The following DAAM2 variants were observed in gnomAD, a reference collection of about 807,000 sequenced individuals.
The protein encoded by DAAM2 is dishevelled associated activator of morphogenesis 2.
In DAAM2, 39 loss-of-function variants were observed where a neutral mutation model predicts 120.7. The observed-to-expected ratio is 0.32, with a 90% CI of 0.25 to 0.42. DAAM2 has a LOEUF of 0.42. Ranked by LOEUF, DAAM2 falls within the 10% of genes least tolerant of loss-of-function variation. The pLI is 1.00. For synonymous variants in DAAM2, 488 were observed against 524.9 expected (o/e 0.93, Z 0.96); for missense variants, 1,283 against 1,401.7 (o/e 0.92, Z 1.35).
Position 39,878,758 on chromosome 6 carries a change from T to A in DAAM2, c.1545+170T>A, listed in dbSNP as rs978234601. Among the ~76,000 whole-genome samples, 3 of 152,104 alleles carry A rather than the reference T, an allele frequency of 2.0e-5. No homozygotes were observed. The highest frequency in any genetic ancestry group is 7.2e-5 in the African/African-American group (3 of 41,406). On this transcript the variant is annotated intron_variant, in intron 13 of 24. Transcript: ENST00000274867. This position sits in a 1 kb window ranked among gnomAD's most constrained non-coding sequence, Gnocchi z 5.0. ...CTTGAGGCTGTACAGGTGGCATCTT[T>A]GTGTTAGAAAAATAATGTCCCTTCC...
chr6:39,874,048 A>G (rs961528399), intron 10 of DAAM2, among the ~76,000 whole-genome samples: 1 of 152,240 alleles, frequency 6.6e-6, no homozygotes, highest in Non-Finnish European at 1.5e-5. Flanking sequence ...GTCAGCAATC[A>G]TAGTGACAGT....
chr6:39,843,280 A>G (rs527944580), intron 1 of DAAM2, among the ~76,000 whole-genome samples: 65 of 152,216 alleles, frequency 4.3e-4, no homozygotes, highest in African/African-American at 1.5e-3. Context: ...GTGGGACAAC[A>G]TGGTCGGAAA....
At chr6:39,884,720 C>T (rs948056453) in intron 15 of DAAM2, 2 of 153,008 alleles carry the variant, frequency 1.3e-5, no homozygotes, top group African/African-American at 2.4e-5. Flanking sequence ...GTCTGGTCTT[C>T]CAGTCACAGA....
At chr6:39,880,412 C>T (rs898010922) in intron 14 of DAAM2, among the ~76,000 whole-genome samples, 7 of 152,136 alleles carry the variant, frequency 4.6e-5, no homozygotes, top group African/African-American at 1.7e-4. Flanking sequence ...CAGGGGTCTT[C>T]TCCTAATGGT....
chr6:39,842,311 GA>G (rs1562019513), intron 1 of DAAM2, among the ~76,000 whole-genome samples: 1 of 152,186 alleles, frequency 6.6e-6, no homozygotes, highest in Non-Finnish European at 1.5e-5. Flanking sequence ...TCAGAGTCTA[GA>G]TGGGGGAGAA....
chr6:39,878,349 C>T lies in DAAM2; in HGVS notation c.1361-55C>T. On this transcript the variant is annotated intron_variant, in intron 12 of 24. Coordinates refer to ENST00000274867, the MANE Select transcript of DAAM2 (RefSeq NM_001201427.2). The surrounding 1 kb of genome is among the most constrained non-coding windows in gnomAD (Gnocchi z 5.0). ...CTCCATGCCCTTCCAGGCAGGGAGT[C>T]ACATTACTCACATTCTCTCCTTCTG... 1 of 1,608,166 alleles carries T rather than the reference C, an allele frequency of 6.2e-7. No homozygotes were observed. Among genetic ancestry groups the T allele is most frequent in the Non-Finnish European group, 8.5e-7 (1 of 1,176,210 alleles).
intron 15 of DAAM2, chr6:39,885,074 A>G (rs3003935): frequency 0.56 from 85,366 of 152,166 alleles, 24,392 homozygotes; most frequent in East Asian, 0.78. Context: ...CCTGGGTGCC[A>G]ATGAGTGGGT....
intron 1 of DAAM2, among the ~76,000 whole-genome samples, chr6:39,795,479 T>G (rs547461744): frequency 6.6e-6 from 1 of 152,340 alleles, no homozygotes; most frequent in East Asian, 1.9e-4. Context: ...CCTTCTGAGC[T>G]TCAGCTTCCT....
Position 39,901,385 on chromosome 6 carries a change from G to A in DAAM2, c.2895G>A (p.Leu965=). ...DEFFGIFDTF[L]QAFSEARQDL... is the part of the protein sequence containing the mutation. ...TCTTTGGCATCTTTGATACCTTCTTGCAGGCCTTCTCAGAGGCCCGGCAGG... is the reference window on the plus strand; with the variant it reads ...TCTTTGGCATCTTTGATACCTTCTTACAGGCCTTCTCAGAGGCCCGGCAGG... The change falls in exon 24 of 25, where the codon TTG becomes TTA. Residue 965 remains leucine (L), a synonymous_variant. Transcript: ENST00000274867. This position sits in a 1 kb window ranked among gnomAD's most constrained non-coding sequence, Gnocchi z 4.5. The A allele has an allele frequency of 6.2e-7, 1 of 1,613,928 alleles. No individual in the cohort carries two copies. Among genetic ancestry groups the A allele is most frequent in the East Asian group, 2.2e-5 (1 of 44,878 alleles).
At chr6:39,834,831 C>G (rs1039680037) in intron 1 of DAAM2, among the ~76,000 whole-genome samples, 1 of 152,068 alleles carries the variant, frequency 6.6e-6, no homozygotes, top group Non-Finnish European at 1.5e-5. Flanking sequence ...GGAGCAAAAT[C>G]AATGAGAGGT....
chr6:39,875,340 C>T lies in DAAM2; in HGVS notation c.1173C>T (p.Asn391=), dbSNP rs761584483. ...HHCLQMPYKR[N]GGYFQQWQLL... ...CCTGTCATCCCTCAGACAAACGGAACGGTGGCTACTTCCAGCAGTGGCAGC... is the reference window on the plus strand; with the variant it reads ...CCTGTCATCCCTCAGACAAACGGAATGGTGGCTACTTCCAGCAGTGGCAGC... Residue 391 remains asparagine (N), a synonymous_variant, in exon 11 of 25, where the codon AAC becomes AAT. Coordinates refer to ENST00000274867, the MANE Select transcript of DAAM2 (RefSeq NM_001201427.2). 30 of 1,613,634 alleles carry T rather than the reference C, an allele frequency of 1.9e-5. No homozygotes were observed. Among genetic ancestry groups the T allele is most frequent in the South Asian group, 2.2e-5 (2 of 91,022 alleles).
rs537740936 is a variant in DAAM2, at chr6:39,899,748, C to G, written c.2680-329C>G. 1.1e-4 allele frequency: 23 copies of G among 213,852 alleles called. No individual in the cohort carries two copies. In the South Asian group the frequency reaches 1.9e-3, roughly 18 times the overall value. 13.2% of individuals were successfully genotyped at this position (213,852 alleles called of 1,614,324 possible). ...GTCTCTTTAATTTGTGCATGAGTCA[C>G]CTGGAGTCTTGTAAAGATGAGTCTT... On this transcript the variant is annotated intron_variant, in intron 22 of 24. Transcript: ENST00000274867.
chr6:39,803,259 A>C lies in DAAM2; in HGVS notation c.-57+10794A>C, dbSNP rs1280214583. On this transcript the variant is annotated intron_variant, in intron 1 of 24. Transcript: ENST00000274867. ...TGTTCAGCTTTAGGAGGTATGGCCA[A>C]AGTTTTATAAATGAGTTGTGCCATG... Among the ~76,000 whole-genome samples the C allele has an allele frequency of 3.9e-5, 6 of 152,176 alleles. No homozygotes were observed. In the East Asian group the frequency reaches 5.8e-4, roughly 15 times the overall value.
chr6:39,902,153 G>C lies in DAAM2; in HGVS notation c.*116G>C. On this transcript the variant is annotated 3_prime_UTR_variant, in exon 25 of 25. Coordinates refer to ENST00000274867, the MANE Select transcript of DAAM2 (RefSeq NM_001201427.2). ...TGCTTGGTTTAGAGCCTTGGGCTGG[G>C]TCCTGGGATGGGGGGCTGTGTGTGG... 2.3e-6 allele frequency: 2 copies of C among 879,304 alleles called. No individual in the cohort carries two copies. The highest frequency in any genetic ancestry group is 3.3e-6 in the Non-Finnish European group (2 of 597,286). 54.5% of individuals were successfully genotyped at this position (879,304 alleles called of 1,614,324 possible).
intron 1 of DAAM2, among the ~76,000 whole-genome samples, chr6:39,825,463 T>C (rs1206156856): frequency 2.0e-5 from 3 of 150,240 alleles, no homozygotes; most frequent in East Asian, 3.9e-4. Context: ...GGCCTTTGTT[T>C]CTTGAAGGAA....
At chr6:39,885,073 C>T (rs570731468) in intron 15 of DAAM2, 210 of 152,496 alleles carry the variant, frequency 1.4e-3, no homozygotes, top group African/African-American at 4.8e-3. Context: ...CCCTGGGTGC[C>T]AATGAGTGGG....
At chr6:39,884,892 A>C (rs1473168285) in intron 15 of DAAM2, 1 of 152,294 alleles carries the variant, frequency 6.6e-6, no homozygotes, top group East Asian at 1.9e-4. Flanking sequence ...CCGCCTGGTA[A>C]CTAGCAGCTA....
rs1003753194 is a variant in DAAM2 at position 39,871,414 on chromosome 6, A to G, written c.978-92A>G. On this transcript the variant is annotated intron_variant, in intron 8 of 24. Transcript: ENST00000274867. The stretch of plus-strand genomic sequence containing the variant: ...TTGCTTGAATGAAGCTTTCAGATTT[A>G]GCCAGTGGGGGGCTCGAAGGGGCTG... 12 of 1,187,368 alleles carry G rather than the reference A, an allele frequency of 1.0e-5. No homozygotes were observed. In the African/African-American group the frequency reaches 1.7e-4, roughly 17 times the overall value. The allele number at this position is 1,187,368 out of a possible 1,614,324, so 73.6% of individuals were successfully genotyped here.
chr6:39,793,067 C>A (rs1270845926), intron 1 of DAAM2: 1 of 152,272 alleles, frequency 6.6e-6, no homozygotes, highest in Non-Finnish European at 1.5e-5. Context: ...CGGTCGCAAA[C>A]CAACCTCATG....
Sources: gnomAD v4.1 joint callset for allele counts (sites outside exome capture counted in the v4.1 genomes callset) on GRCh38, gnomAD v4.1.1 for gene constraint, Gnocchi (gnomAD v3.1) non-coding constraint, MANE v1.5 for transcripts, NCBI Gene and HGNC (gene_info 2026-07-23, HGNC 2026-07-21) for gene names.